ADORA2B: variants seen among roughly 807,000 people sequenced by gnomAD.
ADORA2B encodes adenosine A2b receptor.
ADORA2B carries 18 observed loss-of-function variants against 20.8 expected under a neutral mutation model. The ratio of observed to expected loss-of-function variants is 0.87; its 90% confidence interval spans 0.60 to 1.29. The LOEUF is 1.29. ADORA2B is among the 50% of genes most tolerant of loss of function. ADORA2B has a pLI of 0.00. For synonymous variants in ADORA2B, 179 were observed against 178.3 expected, an observed-to-expected ratio of 1.00 and a Z score of -0.03; for missense variants, 441 against 422.7, an observed-to-expected ratio of 1.04 and a Z score of -0.38.
the ADORA2B span, among the ~76,000 whole-genome samples, chr17:15,857,636 T>G: frequency 6.6e-6 from 1 of 151,994 alleles, no homozygotes; most frequent in Non-Finnish European, 1.5e-5. Context: ...AGGAGATCGT[T>G]TCAGAGCTTT....
the ADORA2B span, among the ~76,000 whole-genome samples, chr17:15,903,106 G>A: frequency 2.6e-5 from 4 of 152,180 alleles, no homozygotes; most frequent in Non-Finnish European, 5.9e-5. Flanking sequence ...ACATCTAGAT[G>A]GATTCTGCAG....
the ADORA2B span, among the ~76,000 whole-genome samples, chr17:15,886,076 T>C: frequency 2.0e-5 from 3 of 152,332 alleles, no homozygotes; most frequent in South Asian, 2.1e-4. Context: ...CTGTGGCTCA[T>C]ATCAGTTAAC....
the ADORA2B span, among the ~76,000 whole-genome samples, chr17:15,905,284 T>TG: frequency 0.31 from 45,085 of 145,914 alleles, 7,435 homozygotes; most frequent in Non-Finnish European, 0.39. Context: ...TTGTTGTTGT[T>TG]GGGGGGGGGT....
the ADORA2B span, among the ~76,000 whole-genome samples, chr17:15,899,738 C>G: frequency 6.6e-6 from 1 of 152,120 alleles, no homozygotes; most frequent in Non-Finnish European, 1.5e-5. Flanking sequence ...GGATTATGGC[C>G]TCCAGCTGCA....
the ADORA2B span, among the ~76,000 whole-genome samples, chr17:15,935,127 T>A: frequency 6.6e-6 from 1 of 152,192 alleles, no homozygotes; most frequent in Non-Finnish European, 1.5e-5. Flanking sequence ...TTTCATACTC[T>A]CTTTTATAGT....
At chr17:15,917,728 T>C in the ADORA2B span, among the ~76,000 whole-genome samples, 4 of 152,242 alleles carry the variant, frequency 2.6e-5, no homozygotes, top group African/African-American at 9.6e-5. Flanking sequence ...CTGCCTAGCC[T>C]GGCCCATGCT....
At chr17:15,898,003 C>A in the ADORA2B span, among the ~76,000 whole-genome samples, 3 of 152,242 alleles carry the variant, frequency 2.0e-5, no homozygotes, top group East Asian at 5.8e-4. Flanking sequence ...GGGTTGAATT[C>A]ATACTTTAAA....
the ADORA2B span, among the ~76,000 whole-genome samples, chr17:15,887,198 T>C: frequency 2.3e-5 from 3 of 130,196 alleles, 1 homozygote; most frequent in East Asian, 6.1e-4. Context: ...CCTCTTGCCA[T>C]GGGAAGGCTC....
chr17:15,898,453 C>CTTT, the ADORA2B span, among the ~76,000 whole-genome samples: 335 of 127,486 alleles, frequency 2.6e-3, 2 homozygotes, highest in Non-Finnish European at 4.5e-3. Flanking sequence ...TAATCTCCCA[C>CTTT]TTTTTTTTTT....
chr17:15,866,733 G>A, the ADORA2B span, among the ~76,000 whole-genome samples: 1 of 145,164 alleles, frequency 6.9e-6, no homozygotes, highest in South Asian at 2.1e-4. Flanking sequence ...CGCTGCCGCT[G>A]CCTCTGCCTC....
the ADORA2B span, among the ~76,000 whole-genome samples, chr17:15,914,235 T>A: frequency 6.6e-6 from 1 of 152,232 alleles, no homozygotes; most frequent in Non-Finnish European, 1.5e-5. Flanking sequence ...CTCACTCTCT[T>A]GCCCATGCTG....
At chr17:15,947,758 A>G (rs964747631) in intron 1 of ADORA2B, among the ~76,000 whole-genome samples, 2 of 152,220 alleles carry the variant, frequency 1.3e-5, no homozygotes, top group African/African-American at 4.8e-5. Context: ...CTAGCAGTTC[A>G]TGGCCCCTTG....
At chr17:15,871,373 T>C in the ADORA2B span, among the ~76,000 whole-genome samples, 2 of 152,206 alleles carry the variant, frequency 1.3e-5, no homozygotes, top group Non-Finnish European at 2.9e-5. Flanking sequence ...TAAGATCACC[T>C]TAAAATACAA....
intron 1 of ADORA2B, among the ~76,000 whole-genome samples, chr17:15,967,663 C>CA (rs982386033): frequency 3.5e-5 from 5 of 143,378 alleles, no homozygotes; most frequent in African/African-American, 1.4e-4. Flanking sequence ...GATTCCGTCT[C>CA]AAAAAAACAA....
At chr17:15,907,372 C>A in the ADORA2B span, among the ~76,000 whole-genome samples, 1 of 152,142 alleles carries the variant, frequency 6.6e-6, no homozygotes, top group South Asian at 2.1e-4. Context: ...GACCATTGTG[C>A]TAAGTTCAGC....
the ADORA2B span, among the ~76,000 whole-genome samples, chr17:15,889,271 TGAA>T: frequency 2.2e-4 from 29 of 129,776 alleles, 9 homozygotes; most frequent in African/African-American, 9.5e-4. Flanking sequence ...CACATTAAGA[TGAA>T]GAATCAAGTT....
chr17:15,932,198 AGT>A, the ADORA2B span, among the ~76,000 whole-genome samples: 1 of 152,026 alleles, frequency 6.6e-6, no homozygotes. Flanking sequence ...TTGGTGTCAT[AGT>A]TAAGAAATTG....
chr17:15,902,624 TTTTCTC>T, the ADORA2B span, among the ~76,000 whole-genome samples: 3 of 152,326 alleles, frequency 2.0e-5, no homozygotes, highest in Non-Finnish European at 4.4e-5. Context: ...GCTGGAGCCT[TTTTCTC>T]TTCCATCTGA....
intron 1 of ADORA2B, among the ~76,000 whole-genome samples, chr17:15,968,805 T>C (rs1369289864): frequency 1.3e-5 from 2 of 152,032 alleles, no homozygotes; most frequent in Non-Finnish European, 2.9e-5. Context: ...TTTGATGAGA[T>C]GTGAGGGGTC....
Sources: allele counts gnomAD v4.1 joint callset (sites outside exome capture counted in the v4.1 genomes callset), GRCh38; gene constraint gnomAD v4.1.1; transcripts MANE v1.5; gene names NCBI Gene and HGNC (gene_info 2026-07-23, HGNC 2026-07-21).